The following DPP4 variants were observed in gnomAD, a reference collection of about 807,000 sequenced individuals.
DPP4 encodes dipeptidyl peptidase 4.
A neutral mutation model predicts 122.4 loss-of-function variants in DPP4; 93 were observed. That is an observed-to-expected ratio of 0.76 (90% confidence interval 0.64 to 0.90). The LOEUF is 0.90. Ranked by LOEUF, DPP4 falls within the 40% of genes least tolerant of loss-of-function variation. The pLI is 0.00. For synonymous variants in DPP4, 321 were observed against 302.9 expected (o/e 1.06, Z -0.62); for missense variants, 914 against 907.3 (o/e 1.01, Z -0.09).
chr2:162,013,556 C>T (rs1682789439), intron 19 of DPP4, among the ~76,000 whole-genome samples: 1 of 151,974 alleles, frequency 6.6e-6, no homozygotes, highest in Non-Finnish European at 1.5e-5. Flanking sequence ...ACAACAGAGA[C>T]ATTATGTCCC....
chr2:162,036,127 C>T (rs758486655), intron 8 of DPP4, among the ~76,000 whole-genome samples: 6 of 151,986 alleles, frequency 3.9e-5, no homozygotes, highest in East Asian at 1.9e-4. Flanking sequence ...CTTCACCAAC[C>T]GGGAATGGAG....
At chr2:162,043,981 T>C (rs1400896807) in intron 5 of DPP4, among the ~76,000 whole-genome samples, 1 of 152,070 alleles carries the variant, frequency 6.6e-6, no homozygotes, top group Non-Finnish European at 1.5e-5. Flanking sequence ...TGAGCCATGA[T>C]CATACCACTG....
At chr2:161,999,180 T>C (rs952356770) in intron 23 of DPP4, among the ~76,000 whole-genome samples, 16 of 152,278 alleles carry the variant, frequency 1.1e-4, no homozygotes, top group African/African-American at 3.8e-4. Context: ...CTGTGCACCC[T>C]GGCTTCTCAA....
chr2:162,066,534 G>A (rs189605370), intron 2 of DPP4, among the ~76,000 whole-genome samples: 1 of 152,220 alleles, frequency 6.6e-6, no homozygotes, highest in Admixed American at 6.5e-5. Flanking sequence ...AATTATTTCT[G>A]CACTTGCCTA....
chr2:161,999,095 A>T (rs1240303961), intron 23 of DPP4, among the ~76,000 whole-genome samples: 1 of 152,136 alleles, frequency 6.6e-6, no homozygotes, highest in Non-Finnish European at 1.5e-5. Flanking sequence ...CTCAGGCTAC[A>T]CAGAACATTT....
chr2:162,003,892 G>A (rs1457953559), intron 23 of DPP4, among the ~76,000 whole-genome samples: 1 of 152,138 alleles, frequency 6.6e-6, no homozygotes, highest in Non-Finnish European at 1.5e-5. Context: ...TTCAGTACAA[G>A]ATACCTATTA....
intron 23 of DPP4, among the ~76,000 whole-genome samples, chr2:161,998,124 C>T (rs1272706066): frequency 6.6e-6 from 1 of 152,158 alleles, no homozygotes; most frequent in African/African-American, 2.4e-5. Context: ...GGGAGGCATA[C>T]TTTGTGACTA....
chr2:162,033,407 G>T, intron 10 of DPP4, 134 bp downstream of exon 10: 1 of 600,538 alleles, frequency 1.7e-6, no homozygotes, highest in Non-Finnish European at 2.9e-6. Context: ...AGTTGCTGAA[G>T]GAAAGAATGA....
intron 2 of DPP4, among the ~76,000 whole-genome samples, chr2:162,072,027 C>T (rs1489102989): frequency 6.6e-6 from 1 of 151,892 alleles, no homozygotes; most frequent in Non-Finnish European, 1.5e-5. Context: ...TGTGTGTATC[C>T]ACACACACAC....
intron 2 of DPP4, among the ~76,000 whole-genome samples, chr2:162,063,127 T>C (rs1684837893): frequency 6.6e-6 from 1 of 152,098 alleles, no homozygotes; most frequent in African/African-American, 2.4e-5. Flanking sequence ...TGCCGACACA[T>C]TGGATGTGAC....
At chr2:162,050,266 T>A (rs1264923026) in intron 2 of DPP4, among the ~76,000 whole-genome samples, 1 of 152,220 alleles carries the variant, frequency 6.6e-6, no homozygotes, top group East Asian at 1.9e-4. Flanking sequence ...GTTTAAAAAG[T>A]ACTTAAAACA....
intron 11 of DPP4, among the ~76,000 whole-genome samples, chr2:162,023,059 A>C (rs111902216): frequency 1.3e-5 from 2 of 152,254 alleles, no homozygotes; most frequent in African/African-American, 4.8e-5. Flanking sequence ...AGAGAATTTC[A>C]TTTGTTTTCC....
At chr2:161,999,347 C>G (rs1445541524) in intron 23 of DPP4, among the ~76,000 whole-genome samples, 2 of 152,194 alleles carry the variant, frequency 1.3e-5, no homozygotes, top group East Asian at 3.8e-4. Context: ...AGGATAATCC[C>G]TCTTTGCCTA....
intron 23 of DPP4, among the ~76,000 whole-genome samples, chr2:161,999,573 C>A (rs1232478171): frequency 6.6e-6 from 1 of 152,210 alleles, no homozygotes; most frequent in Non-Finnish European, 1.5e-5. Context: ...AGTGGCAGTG[C>A]CGACTCCACA....
chr2:162,005,589 A>G (rs1439770613), intron 23 of DPP4, 156 bp downstream of exon 23: 2 of 598,132 alleles, frequency 3.3e-6, no homozygotes, highest in African/African-American at 1.9e-5. Context: ...CAGTAAGGGA[A>G]GCTATTGGAG....
chr2:162,019,095 G>A, intron 15 of DPP4, 128 bp downstream of exon 15: 1 of 943,908 alleles, frequency 1.1e-6, no homozygotes, highest in Non-Finnish European at 1.7e-6. Flanking sequence ...GATTTATGAA[G>A]GAATAAAAAG....
rs1683900142 is a variant in DPP4 at position 162,039,185 on chromosome 2, C to T, written c.367-1G>A. 3.1e-6 allele frequency: 5 copies of T among 1,612,198 alleles called. No individual in the cohort carries two copies. Among genetic ancestry groups the T allele is most frequent in the Non-Finnish European group, 4.2e-6 (5 of 1,179,186 alleles). Reference sequence around the variant, plus strand: ...AAGCTGTGTAGGAATGCCTCCATTGCTATGAAAGAAAACAGACATTTCAGG... The same window carrying T: ...AAGCTGTGTAGGAATGCCTCCATTGTTATGAAAGAAAACAGACATTTCAGG... On this transcript the variant is annotated splice_acceptor_variant, in intron 5 of 25. Transcript: ENST00000360534. LOFTEE classifies it high-confidence loss of function.
chr2:162,031,910 C>T (rs1683561958), intron 10 of DPP4: 1 of 152,130 alleles, frequency 6.6e-6, no homozygotes, highest in African/African-American at 2.4e-5. Context: ...GACTTTGAAA[C>T]CTTTGGGTAA....
chr2:162,072,119 T>C (rs1326820191), intron 2 of DPP4, among the ~76,000 whole-genome samples: 1 of 152,238 alleles, frequency 6.6e-6, no homozygotes, highest in African/African-American at 2.4e-5. Flanking sequence ...TCAGGGCCTT[T>C]ATATTTATAT....
Sources: allele counts gnomAD v4.1 joint callset (sites outside exome capture counted in the v4.1 genomes callset), GRCh38; gene constraint gnomAD v4.1.1; transcripts MANE v1.5; gene names NCBI Gene and HGNC (gene_info 2026-07-23, HGNC 2026-07-21).